RBM6: variants seen among roughly 807,000 people sequenced by gnomAD.
The protein encoded by RBM6 is RNA-binding protein 6.
Under a neutral mutation model 140.4 loss-of-function variants are expected in RBM6, and 23 were observed. That is an observed-to-expected ratio of 0.16 (90% confidence interval 0.12 to 0.23). RBM6 has a LOEUF of 0.23. RBM6 is among the 10% of genes least tolerant of loss of function. The probability of loss-of-function intolerance (pLI) is 1.00; values close to 1 mark genes in which losing one functional copy is unlikely to be tolerated. For synonymous variants in RBM6, 439 were observed against 475.6 expected (o/e 0.92, Z 1.00); for missense variants, 1,139 against 1,386.7 (o/e 0.82, Z 2.84).
In RBM6 at chr3:49,967,495, C is replaced by G; in HGVS notation, c.70C>G (p.Pro24Ala). ...FRGSQEERFA[P>A]GWNRDYPPPP... ...TGGGAGCCAAGAAGAAAGGTTTGCT[C>G]CCGGGTGGAACAGGGATTATCCTCC... is the stretch of plus-strand genomic sequence containing the variant. The change falls in exon 3 of 21, where the codon CCC (proline) becomes GCC (alanine). Residue 24 changes from proline to alanine, a missense_variant. Pro to Ala is a conservative substitution (Grantham distance 27). Coordinates refer to ENST00000266022, the MANE Select transcript of RBM6 (RefSeq NM_005777.3). The surrounding 1 kb of genome is among the most constrained non-coding windows in gnomAD (Gnocchi z 4.0). The G allele has an allele frequency of 6.2e-7, 1 of 1,613,790 alleles. No individual in the cohort carries two copies. The highest frequency in any genetic ancestry group is 1.1e-5 in the South Asian group (1 of 91,064).
At chr3:50,018,431 C>T (rs1313349608) in intron 6 of RBM6, among the ~76,000 whole-genome samples, 5 of 152,096 alleles carry the variant, frequency 3.3e-5, no homozygotes, top group African/African-American at 1.2e-4. Flanking sequence ...CATTCACCTA[C>T]TAAATGACAT....
intron 20 of RBM6, among the ~76,000 whole-genome samples, chr3:50,076,807 C>A (rs959374663): frequency 4.6e-5 from 7 of 152,030 alleles, no homozygotes; most frequent in African/African-American, 1.7e-4. Context: ...ATTGCTTGAA[C>A]CGGGGAGGCA....
At chr3:49,945,183 T>TC (rs1196166336) in intron 1 of RBM6, among the ~76,000 whole-genome samples, 1 of 149,732 alleles carries the variant, frequency 6.7e-6, no homozygotes, top group East Asian at 2.0e-4. Context: ...CCAATTTTTT[T>TC]TTTTTTTTTT....
rs549958157 is a variant in RBM6 at position 50,050,797 on chromosome 3, G to A, written c.1632+2478G>A. Among the ~76,000 whole-genome samples, 4 of 152,022 alleles carry A rather than the reference G, an allele frequency of 2.6e-5. No individual in the cohort carries two copies. The South Asian group carries it at 6.2e-4, about 24-fold the overall frequency. ...TGAAATAATATCTCATTGTGGTTTT[G>A]ATTTGCATTTTCCTAATGACTTTGA... On this transcript the variant is annotated intron_variant, in intron 7 of 20. Coordinates refer to ENST00000266022, the MANE Select transcript of RBM6 (RefSeq NM_005777.3).
At chr3:50,043,646 T>C (rs1027186775) in intron 6 of RBM6, among the ~76,000 whole-genome samples, 2 of 151,898 alleles carry the variant, frequency 1.3e-5, no homozygotes, top group Non-Finnish European at 2.9e-5. Context: ...TGCAGTGGCA[T>C]GATCTTGGCT....
intron 18 of RBM6, among the ~76,000 whole-genome samples, chr3:50,070,170 CAT>C (rs2090254754): frequency 6.6e-6 from 1 of 152,090 alleles, no homozygotes; most frequent in Non-Finnish European, 1.5e-5. Context: ...GCCTGACTAA[CAT>C]AGTGAAACCC....
chr3:49,962,234 T>C (rs952517540), intron 1 of RBM6, among the ~76,000 whole-genome samples: 3 of 149,952 alleles, frequency 2.0e-5, no homozygotes, highest in Non-Finnish European at 4.4e-5. Context: ...GGGCGGATCA[T>C]GAGGTCAGGA....
intron 6 of RBM6, among the ~76,000 whole-genome samples, chr3:50,018,859 G>T (rs2087328829): frequency 6.6e-6 from 1 of 151,990 alleles, no homozygotes; most frequent in Admixed American, 6.6e-5. Flanking sequence ...AAAGTGTTGG[G>T]ATTACAGGCG....
intron 5 of RBM6, among the ~76,000 whole-genome samples, chr3:49,989,544 C>T (rs931894780): frequency 6.6e-6 from 1 of 152,048 alleles, no homozygotes; most frequent in African/African-American, 2.4e-5. Context: ...GCACTCTAGC[C>T]TGGGGCCACA....
Position 50,075,218 on chromosome 3 carries a change from A to G in RBM6, c.3134A>G (p.Asp1045Gly), listed in dbSNP as rs2090424014. 2 of 1,613,688 alleles carry G rather than the reference A, an allele frequency of 1.2e-6. No individual in the cohort carries two copies. Among genetic ancestry groups the G allele is most frequent in the African/African-American group, 2.7e-5 (2 of 74,810 alleles). The change falls in exon 20 of 21, where the codon GAT becomes GGT. Residue 1045 changes from aspartate (D) to glycine (G), a missense_variant. Physicochemically the swap from Asp to Gly is moderately conservative, Grantham distance 94. Coordinates refer to ENST00000266022, the MANE Select transcript of RBM6 (RefSeq NM_005777.3). Reference sequence around the variant, plus strand: ...TTTTGCAGTGATCGTAAACTTGTTGATAAAGAAGATATCGACACTAGCAGC... The same window carrying G: ...TTTTGCAGTGATCGTAAACTTGTTGGTAAAGAAGATATCGACACTAGCAGC... ...RETDSDRKLV[D>G]KEDIDTSSKG...
chr3:50,071,222 A>G (rs1158536631), intron 19 of RBM6, among the ~76,000 whole-genome samples: 2 of 152,182 alleles, frequency 1.3e-5, no homozygotes, highest in African/African-American at 4.8e-5. Flanking sequence ...AGGAGTTGCA[A>G]ATAGTTTGAT....
At chr3:49,953,917 G>C (rs1163941318) in intron 1 of RBM6, among the ~76,000 whole-genome samples, 1 of 152,036 alleles carries the variant, frequency 6.6e-6, no homozygotes, top group Non-Finnish European at 1.5e-5. Context: ...GTAATCGCCT[G>C]AATCAGGAGT....
intron 6 of RBM6, among the ~76,000 whole-genome samples, chr3:50,035,661 G>A (rs758041684): frequency 1.3e-5 from 2 of 151,742 alleles, no homozygotes; most frequent in Non-Finnish European, 2.9e-5. Flanking sequence ...CAGCCTGGTC[G>A]ACAGAGCCAG....
chr3:49,997,158 G>GAAT (rs994371402), intron 5 of RBM6, among the ~76,000 whole-genome samples: 1 of 151,588 alleles, frequency 6.6e-6, no homozygotes, highest in African/African-American at 2.4e-5. Flanking sequence ...TGAACACACA[G>GAAT]AATACCTTTT....
chr3:49,979,402 A>G (rs1210622349), intron 5 of RBM6, among the ~76,000 whole-genome samples: 1 of 150,758 alleles, frequency 6.6e-6, no homozygotes, highest in East Asian at 1.9e-4. Context: ...ACACTTTAAA[A>G]TGATGCATTT....
intron 1 of RBM6, among the ~76,000 whole-genome samples, chr3:49,945,693 C>T (rs201546252): frequency 6.6e-6 from 1 of 151,720 alleles, no homozygotes; most frequent in Admixed American, 6.6e-5. Context: ...CCATCCTGGC[C>T]AACACGGTGA....
chr3:50,061,645 C>A (rs756806952), intron 14 of RBM6, 98 bp downstream of exon 14: 30 of 1,481,748 alleles, frequency 2.0e-5, no homozygotes, highest in Admixed American at 3.0e-5. Context: ...GGATTTTATT[C>A]CCTGGATTCT....
At chr3:49,983,760 A>C (rs1263462089) in intron 5 of RBM6, among the ~76,000 whole-genome samples, 1 of 152,132 alleles carries the variant, frequency 6.6e-6, no homozygotes, top group Admixed American at 6.5e-5. Flanking sequence ...AAATTTAAGG[A>C]AACTTAGTTT....
intron 5 of RBM6, among the ~76,000 whole-genome samples, chr3:49,988,276 C>T (rs1157037204): frequency 1.3e-5 from 2 of 152,146 alleles, no homozygotes; most frequent in African/African-American, 4.8e-5. Flanking sequence ...TCCCAAGTAG[C>T]TGGGACCACA....
Sources: gnomAD v4.1 joint callset for allele counts (sites outside exome capture counted in the v4.1 genomes callset) on GRCh38, gnomAD v4.1.1 for gene constraint, Gnocchi (gnomAD v3.1) non-coding constraint, MANE v1.5 for transcripts, NCBI Gene and HGNC (gene_info 2026-07-23, HGNC 2026-07-21) for gene names.